SULF1: variants seen among roughly 807,000 people sequenced by gnomAD.
SULF1 encodes the protein extracellular sulfatase Sulf-1.
A neutral mutation model predicts 110.5 loss-of-function variants in SULF1; 46 were observed. The observed-to-expected ratio is 0.42, with a 90% CI of 0.33 to 0.53. SULF1 has a LOEUF of 0.53. Among genes scored for constraint, SULF1 ranks in the 20% least tolerant of loss-of-function variants. The pLI, the probability that SULF1 is intolerant of heterozygous loss-of-function variation, is 0.12. For missense variants in SULF1, 941 were observed against 1,094.2 expected (o/e 0.86, Z 1.98); for synonymous variants, 371 against 387.1 (o/e 0.96, Z 0.49).
intron 9 of SULF1, among the ~76,000 whole-genome samples, 177 bp downstream of exon 9, chr8:69,600,930 C>T (rs1807751429): frequency 6.6e-6 from 1 of 152,196 alleles, no homozygotes; most frequent in South Asian, 2.1e-4. Context: ...ATCTTGTCCT[C>T]ATTCCATCTA....
At chr8:69,596,066 T>C (rs7845359) in intron 8 of SULF1, among the ~76,000 whole-genome samples, 1,647 of 152,326 alleles carry the variant, frequency 0.011, 30 homozygotes, top group African/African-American at 0.038. Context: ...TACAGTGGAC[T>C]CAAGTATCCA....
chr8:69,554,929 A>G (rs1814986475), intron 3 of SULF1, among the ~76,000 whole-genome samples: 1 of 131,108 alleles, frequency 7.6e-6, no homozygotes. Flanking sequence ...CGGTAAGCCG[A>G]GACTGCGCCA....
intron 1 of SULF1, among the ~76,000 whole-genome samples, chr8:69,479,785 T>C (rs1156393369): frequency 6.6e-6 from 1 of 152,212 alleles, no homozygotes. Context: ...AACTCATTCT[T>C]ACAAGGCAGA....
At chr8:69,527,372 A>T (rs1347824178) in intron 3 of SULF1, among the ~76,000 whole-genome samples, 1 of 152,118 alleles carries the variant, frequency 6.6e-6, no homozygotes, top group Non-Finnish European at 1.5e-5. Context: ...AAAACCTGAC[A>T]ATAGCCATGT....
chr8:69,510,611 T>G (rs920209666), intron 3 of SULF1, among the ~76,000 whole-genome samples: 4 of 82,738 alleles, frequency 4.8e-5, no homozygotes, highest in African/African-American at 1.3e-4. Context: ...TTTTGGTGGG[T>G]TTTTTTTTGT....
chr8:69,627,544 A>C (rs1810191547), intron 16 of SULF1, among the ~76,000 whole-genome samples: 1 of 152,254 alleles, frequency 6.6e-6, no homozygotes, highest in Non-Finnish European at 1.5e-5. Context: ...TCTCTGTGAG[A>C]AAATGATTCA....
intron 13 of SULF1, among the ~76,000 whole-genome samples, chr8:69,620,558 C>A (rs578225253): frequency 6.6e-6 from 1 of 152,296 alleles, no homozygotes; most frequent in East Asian, 1.9e-4. Flanking sequence ...TGATGGGCTC[C>A]AATTAAATTC....
chr8:69,569,554 C>T (rs1805067272), intron 5 of SULF1, among the ~76,000 whole-genome samples: 1 of 152,140 alleles, frequency 6.6e-6, no homozygotes, highest in East Asian at 1.9e-4. Flanking sequence ...TATCATTGAC[C>T]ATACTGCTGT....
At chr8:69,593,416 A>G (rs1457582021) in intron 8 of SULF1, among the ~76,000 whole-genome samples, 2 of 152,230 alleles carry the variant, frequency 1.3e-5, no homozygotes, top group Non-Finnish European at 2.9e-5. Flanking sequence ...CCCCAATTGC[A>G]GGGATGCAAG....
intron 19 of SULF1, among the ~76,000 whole-genome samples, chr8:69,634,786 T>C (rs1810849617): frequency 6.6e-6 from 1 of 152,008 alleles, no homozygotes; most frequent in Admixed American, 6.6e-5. Flanking sequence ...AGTTTTAAGT[T>C]GGAGAACATA....
At chr8:69,519,283 C>A (rs1812137449) in intron 3 of SULF1, among the ~76,000 whole-genome samples, 1 of 152,110 alleles carries the variant, frequency 6.6e-6, no homozygotes, top group Non-Finnish European at 1.5e-5. Flanking sequence ...TTCTCAGTAT[C>A]TAACATATGA....
chr8:69,615,258 A>C (rs527649692), intron 13 of SULF1, among the ~76,000 whole-genome samples: 1 of 152,336 alleles, frequency 6.6e-6, no homozygotes, highest in African/African-American at 2.4e-5. Context: ...TTTCAGAGCA[A>C]TTCTTTTAAA....
chr8:69,589,171 C>A, intron 8 of SULF1, 30 bp downstream of exon 8: 1 of 1,598,744 alleles, frequency 6.3e-7, no homozygotes, highest in Non-Finnish European at 8.6e-7. Flanking sequence ...CTGCGACCTG[C>A]CGAACATGCC....
intron 22 of SULF1, among the ~76,000 whole-genome samples, chr8:69,653,959 T>C (rs895481642): frequency 1.3e-5 from 2 of 152,228 alleles, no homozygotes; most frequent in African/African-American, 2.4e-5. Context: ...TAGAATTGCA[T>C]TCAGCCATCA....
intron 6 of SULF1, 116 bp downstream of exon 6, chr8:69,576,325 G>A: frequency 8.1e-7 from 1 of 1,236,298 alleles, no homozygotes; most frequent in South Asian, 1.5e-5. Flanking sequence ...AGGATCAAGT[G>A]TTTTTAAACT....
chr8:69,660,807 C>T lies in SULF1; in HGVS notation c.*2272C>T, dbSNP rs1813050389. 1 of 152,612 alleles carries T rather than the reference C, an allele frequency of 6.6e-6. No individual in the cohort carries two copies. The highest frequency in any genetic ancestry group is 1.5e-5 in the Non-Finnish European group (1 of 68,042). 9.5% of individuals were successfully genotyped at this position (152,612 alleles called of 1,614,324 possible). A position where few individuals can be genotyped will look rare whatever the true frequency, so the allele number is the denominator to read the frequency against. On this transcript the variant is annotated 3_prime_UTR_variant, in exon 23 of 23. Transcript: ENST00000402687. Reference sequence around the variant, plus strand: ...ATTTCAAGTTATTAGGAAGCATACTCTGTTTTTTAATCATGTATAATATTC... The same window carrying T: ...ATTTCAAGTTATTAGGAAGCATACTTTGTTTTTTAATCATGTATAATATTC...
At chr8:69,472,536 C>T (rs1156328968) in intron 1 of SULF1, among the ~76,000 whole-genome samples, 3 of 152,236 alleles carry the variant, frequency 2.0e-5, no homozygotes, top group Admixed American at 2.0e-4. Context: ...CTGAATGCCA[C>T]TTAGCAAATA....
At chr8:69,590,153 G>A (rs1300232660) in intron 8 of SULF1, among the ~76,000 whole-genome samples, 1 of 152,096 alleles carries the variant, frequency 6.6e-6, no homozygotes, top group Admixed American at 6.5e-5. Flanking sequence ...CCCTAGAGAA[G>A]TTTTTATAAA....
intron 3 of SULF1, among the ~76,000 whole-genome samples, chr8:69,539,391 C>T (rs1222587249): frequency 6.6e-6 from 1 of 152,084 alleles, no homozygotes; most frequent in Non-Finnish European, 1.5e-5. Flanking sequence ...TTTAGATGTC[C>T]TAATATTTCT....
Sources: gnomAD v4.1 joint callset for allele counts (sites outside exome capture counted in the v4.1 genomes callset) on GRCh38, gnomAD v4.1.1 for gene constraint, MANE v1.5 for transcripts, NCBI Gene and HGNC (gene_info 2026-07-23, HGNC 2026-07-21) for gene names.